Variants in ANGPT4 observed in about 807,000 individuals in gnomAD.
The protein encoded by ANGPT4 is angiopoietin 4.
ANGPT4 carries 50 observed loss-of-function variants against 53.0 expected under a neutral mutation model. That is an observed-to-expected ratio of 0.94 (90% CI 0.75 to 1.20). The LOEUF (loss-of-function observed/expected upper bound fraction) is 1.20, where lower values mean the gene tolerates loss of function less well. Ranked by LOEUF, ANGPT4 falls within the 50% of genes most tolerant of loss-of-function variation. The pLI, the probability that ANGPT4 is intolerant of heterozygous loss-of-function variation, is 0.00. For synonymous variants in ANGPT4, 251 were observed against 259.7 expected, an observed-to-expected ratio of 0.97 and a Z score of 0.32; for missense variants, 648 against 637.1, an observed-to-expected ratio of 1.02 and a Z score of -0.18.
intron 1 of ANGPT4, among the ~76,000 whole-genome samples, chr20:910,428 C>T (rs1290257247): frequency 2.0e-5 from 3 of 152,236 alleles, no homozygotes; most frequent in Admixed American, 6.5e-5. Context: ...GTGGCTTCCC[C>T]GGGTTCCCAT....
At position 892,148 on chromosome 20, in the gene ANGPT4, C is replaced by A. The variant is rs1242652414; in HGVS notation, c.310-1780G>T. Among the ~76,000 whole-genome samples, 4 of 151,926 alleles carry A rather than the reference C, an allele frequency of 2.6e-5. No individual in the cohort carries two copies. The South Asian group carries it at 6.2e-4, about 24-fold the overall frequency. On this transcript the variant is annotated intron_variant, in intron 1 of 8. Coordinates refer to ENST00000381922, the MANE Select transcript of ANGPT4 (RefSeq NM_015985.4). ...TTCCATCTAAAAACTAACTCCACAG[C>A]CTCTCTGGCTGCTTCTCCAGTTTCT...
chr20:870,502 G>T lies in ANGPT4; in HGVS notation c.*2458C>A, dbSNP rs1980899311. On this transcript the variant is annotated 3_prime_UTR_variant, in exon 9 of 9. Coordinates refer to ENST00000381922, the MANE Select transcript of ANGPT4 (RefSeq NM_015985.4). Reference sequence around the variant, plus strand: ...AGATCATGCCACTGCACTCCAGCCTGGGTGACAGAGTGAGACTCTGTCTCA... The same window carrying T: ...AGATCATGCCACTGCACTCCAGCCTTGGTGACAGAGTGAGACTCTGTCTCA... 1 of 152,158 alleles carries T rather than the reference G, an allele frequency of 6.6e-6. No individual in the cohort carries two copies. The highest frequency in any genetic ancestry group is 1.9e-4 in the East Asian group (1 of 5,194). 9.4% of individuals were successfully genotyped at this position (152,158 alleles called of 1,614,324 possible).
rs746729787 is a variant in ANGPT4, at chr20:916,196, T to C, written c.19A>G (p.Met7Val). The C allele has an allele frequency of 2.5e-6, 4 of 1,613,116 alleles. No homozygotes were observed. The highest frequency in any genetic ancestry group is 1.7e-6 in the Non-Finnish European group (2 of 1,179,302). Residue 7 changes from methionine to valine, a missense_variant, in exon 1 of 9, where the codon ATG (methionine) becomes GTG (valine). Physicochemically the swap from Met to Val is conservative, Grantham distance 21 (BLOSUM62 1). Transcript: ENST00000381922. MLSQLA[M>V]LQGSLLLVVA... ...ACAAGGAGGAGGCTGCCCTGCAGCA[T>C]GGCTAGCTGGGAGAGCATCTGAAGA...
At chr20:876,598 T>C (rs115296940) in intron 7 of ANGPT4, among the ~76,000 whole-genome samples, 123 of 152,288 alleles carry the variant, frequency 8.1e-4, no homozygotes, top group African/African-American at 2.8e-3. Flanking sequence ...CTTTTTGAGG[T>C]AGGTATGCCT....
At chr20:913,466 G>C (rs919792514) in intron 1 of ANGPT4, among the ~76,000 whole-genome samples, 4 of 152,152 alleles carry the variant, frequency 2.6e-5, no homozygotes, top group Non-Finnish European at 5.9e-5. Context: ...AGAGATCTTA[G>C]GCCCTACGGC....
At chr20:884,611 C>G (rs1290590483) in intron 4 of ANGPT4, among the ~76,000 whole-genome samples, 1 of 152,244 alleles carries the variant, frequency 6.6e-6, no homozygotes, top group Non-Finnish European at 1.5e-5. Flanking sequence ...TTCTGTTTGG[C>G]CCTCTTGGGC....
In ANGPT4 at chr20:914,901, C is replaced by T. The variant is rs1982861348; in HGVS notation, c.309+1005G>A. Among the ~76,000 whole-genome samples the T allele has an allele frequency of 6.6e-6, 1 of 152,152 alleles. No homozygotes were observed. On this transcript the variant is annotated intron_variant, in intron 1 of 8. Coordinates refer to ENST00000381922, the MANE Select transcript of ANGPT4 (RefSeq NM_015985.4). The surrounding 1 kb of genome is among the most constrained non-coding windows in gnomAD (Gnocchi z 5.0). ...CATGACAGGGCATTCTACAGCAGCCCTGGTCTTGGGCCAAAACCACAGTGG... is the reference window on the plus strand; with the variant it reads ...CATGACAGGGCATTCTACAGCAGCCTTGGTCTTGGGCCAAAACCACAGTGG...
intron 7 of ANGPT4, among the ~76,000 whole-genome samples, chr20:876,873 C>G (rs1160654183): frequency 6.7e-6 from 1 of 149,492 alleles, no homozygotes; most frequent in African/African-American, 2.5e-5. Flanking sequence ...ATAGGGAAAC[C>G]CTGTTTCTAT....
At position 873,360 on chromosome 20, in the gene ANGPT4, T is replaced by C. The variant is rs373629555; in HGVS notation, c.1352-240A>G. Reference sequence around the variant, plus strand: ...CTGGCCACTCCTCGAGCCCCCTTGCTCCTCCCGGCCTTCTCCCTGAGCCCT... The same window carrying C: ...CTGGCCACTCCTCGAGCCCCCTTGCCCCTCCCGGCCTTCTCCCTGAGCCCT... On this transcript the variant is annotated intron_variant, in intron 8 of 8. Coordinates refer to ENST00000381922, the MANE Select transcript of ANGPT4 (RefSeq NM_015985.4). Among the ~76,000 whole-genome samples, 17 of 152,128 alleles carry C rather than the reference T, an allele frequency of 1.1e-4. No homozygotes were observed. The South Asian group carries it at 2.7e-3, about 24-fold the overall frequency.
At chr20:877,398 G>A (rs1366079504) in intron 7 of ANGPT4, among the ~76,000 whole-genome samples, 1 of 152,184 alleles carries the variant, frequency 6.6e-6, no homozygotes, top group Non-Finnish European at 1.5e-5. Flanking sequence ...ATCATGTTGT[G>A]GAGACATCAT....
intron 3 of ANGPT4, among the ~76,000 whole-genome samples, chr20:887,500 T>G (rs1981658337): frequency 6.6e-6 from 1 of 152,204 alleles, no homozygotes; most frequent in South Asian, 2.1e-4. Flanking sequence ...CACAGGCCTG[T>G]GGCTTGTTCA....
chr20:902,249 C>G (rs897262133), intron 1 of ANGPT4, among the ~76,000 whole-genome samples: 1 of 151,970 alleles, frequency 6.6e-6, no homozygotes, highest in African/African-American at 2.4e-5. Context: ...GAATATTTAA[C>G]AACTAGTATA....
Position 881,383 on chromosome 20 carries a change from T to C in ANGPT4, c.836-97A>G, listed in dbSNP as rs553489635. ...TGCCTGCTTTGTGCCAGGTTCTGGG[T>C]TGGGAGGTGCTGGGGACAGGGAGAT... is the stretch of plus-strand genomic sequence containing the variant. On this transcript the variant is annotated intron_variant, in intron 4 of 8. Coordinates refer to ENST00000381922, the MANE Select transcript of ANGPT4 (RefSeq NM_015985.4). 3 of 1,107,092 alleles carry C rather than the reference T, an allele frequency of 2.7e-6. No individual in the cohort carries two copies. The South Asian group carries it at 3.9e-5, about 14-fold the overall frequency. 68.6% of individuals were successfully genotyped at this position (1,107,092 alleles called of 1,614,324 possible).
intron 1 of ANGPT4, among the ~76,000 whole-genome samples, chr20:897,079 C>G (rs1237734316): frequency 6.6e-6 from 1 of 152,164 alleles, no homozygotes; most frequent in African/African-American, 2.4e-5. Context: ...GAGAACAACC[C>G]CCTTTAACTG....
chr20:902,021 C>G (rs1982305275), intron 1 of ANGPT4, among the ~76,000 whole-genome samples: 1 of 152,158 alleles, frequency 6.6e-6, no homozygotes, highest in Admixed American at 6.5e-5. Flanking sequence ...AGAGGCAGAA[C>G]ACTATATACA....
intron 1 of ANGPT4, among the ~76,000 whole-genome samples, chr20:899,495 T>C (rs879578424): frequency 1.1e-4 from 16 of 152,150 alleles, no homozygotes; most frequent in South Asian, 2.1e-4. Context: ...CCTCGTGATT[T>C]GCCCGCCTCG....
rs371873918 is a variant in ANGPT4, at chr20:881,184, G to A, written c.938C>T (p.Thr313Met). The A allele has an allele frequency of 1.8e-5, 29 of 1,590,944 alleles. No homozygotes were observed. The highest frequency in any genetic ancestry group is 1.7e-4 in the Middle Eastern group (1 of 5,960). The stretch of plus-strand genomic sequence containing the variant: ...GAGCCCCCTAACCTTCCTGGGCTTC[G>A]TTGCATTGGACACCTGGATGGTGTA... Reference protein sequence around the residue: ...GVYTIQVSNATKPRKVFCDLQ... With the variant: ...GVYTIQVSNAMKPRKVFCDLQ... The change falls in exon 5 of 9, where the codon ACG becomes ATG. Residue 313 changes from threonine to methionine, a missense_variant. Transcript: ENST00000381922.
intron 1 of ANGPT4, among the ~76,000 whole-genome samples, chr20:898,268 C>A (rs1174919320): frequency 6.6e-6 from 1 of 152,186 alleles, no homozygotes; most frequent in African/African-American, 2.4e-5. Flanking sequence ...TCTATCACCT[C>A]CCCTGCTCAC....
Position 885,097 on chromosome 20 carries a change from C to A in ANGPT4, c.816G>T (p.Arg272Ser). Residue 272 changes from arginine to serine, a missense_variant, in exon 4 of 9, where the codon AGG (arginine) becomes AGT (serine). Transcript: ENST00000381922. The stretch of plus-strand genomic sequence containing the variant: ...ACTCACCCGGGGCCGAGGCGTTAGC[C>A]CTTTCTTGCACCAGGTGCCGCAACA... ...LVLLRHLVQERANASAPAFIM... is the reference protein window; with the variant it reads ...LVLLRHLVQESANASAPAFIM... 6.2e-7 allele frequency: 1 copy of A among 1,613,710 alleles called. No homozygotes were observed. The highest frequency in any genetic ancestry group is 1.1e-5 in the South Asian group (1 of 91,032).
Sources: gnomAD v4.1 joint callset for allele counts (sites outside exome capture counted in the v4.1 genomes callset) on GRCh38, gnomAD v4.1.1 for gene constraint, Gnocchi (gnomAD v3.1) non-coding constraint, MANE v1.5 for transcripts, NCBI Gene and HGNC (gene_info 2026-07-23, HGNC 2026-07-21) for gene names.